Variants in LHFPL2 observed in about 807,000 individuals in gnomAD.
LHFPL2 encodes LHFPL tetraspan subfamily member 2.
LHFPL2 carries 7 observed loss-of-function variants against 17.5 expected under a neutral mutation model. The observed-to-expected ratio is 0.40, with a 90% CI of 0.23 to 0.75. The LOEUF (loss-of-function observed/expected upper bound fraction) is 0.75, where lower values mean the gene tolerates loss of function less well. Among genes scored for constraint, LHFPL2 ranks in the 30% least tolerant of loss-of-function variants. The probability of loss-of-function intolerance (pLI) is 0.37; values close to 1 mark genes in which losing one functional copy is unlikely to be tolerated. For synonymous variants in LHFPL2, 134 were observed against 116.2 expected (o/e 1.15, Z -0.99); for missense variants, 241 against 294.8 (o/e 0.82, Z 1.34).
At chr5:78,614,741 C>T (rs1474460740) in intron 2 of LHFPL2, among the ~76,000 whole-genome samples, 1 of 152,056 alleles carries the variant, frequency 6.6e-6, no homozygotes, top group Non-Finnish European at 1.5e-5. Context: ...GACTTCGGAC[C>T]CTTTCAAATT....
intron 1 of LHFPL2, among the ~76,000 whole-genome samples, chr5:78,641,828 T>C (rs1011321906): frequency 2.6e-5 from 4 of 151,994 alleles, no homozygotes; most frequent in East Asian, 1.9e-4. Context: ...TACACAAAAC[T>C]AGTTTACATT....
rs536783744 is a variant in LHFPL2 at position 78,531,927 on chromosome 5, AT to A, written c.-185-21530del. On this transcript the variant is annotated intron_variant, in intron 3 of 4. Coordinates refer to ENST00000380345, the MANE Select transcript of LHFPL2 (RefSeq NM_005779.3). ...CAAGCAGCACCACCATGCCCGGCTA[AT>A]TTTTTTTTTTTTTTGAGACAGAGTC... 2.3e-3 allele frequency among the ~76,000 whole-genome samples: 323 copies of A among 141,602 alleles called. 1 individual carries two copies. Among genetic ancestry groups the A allele is most frequent in the Middle Eastern group, 3.6e-3 (1 of 276 alleles). 92.9% of individuals were successfully genotyped at this position (141,602 alleles called of 152,430 possible).
chr5:78,531,127 C>T (rs1273410261), intron 3 of LHFPL2, among the ~76,000 whole-genome samples: 1 of 152,114 alleles, frequency 6.6e-6, no homozygotes, highest in Admixed American at 6.5e-5. Context: ...TTTAAAAATT[C>T]ACAATGAGCC....
chr5:78,585,710 A>C (rs941801716), intron 2 of LHFPL2, among the ~76,000 whole-genome samples: 1 of 152,196 alleles, frequency 6.6e-6, no homozygotes, highest in Non-Finnish European at 1.5e-5. Context: ...CATCACCATC[A>C]TCACGTATTG....
intron 1 of LHFPL2, chr5:78,644,211 A>C (rs1318461772): frequency 6.3e-6 from 4 of 631,052 alleles, no homozygotes; most frequent in Non-Finnish European, 1.1e-5. Context: ...AGTGAAATGC[A>C]TACAGGGAGT....
At chr5:78,634,119 C>T (rs151313152) in intron 1 of LHFPL2, among the ~76,000 whole-genome samples, 2 of 152,124 alleles carry the variant, frequency 1.3e-5, no homozygotes, top group South Asian at 2.1e-4. Flanking sequence ...ACCCCTCCCC[C>T]CAAAAAAAGC....
chr5:78,633,155 G>A (rs1469447553), intron 1 of LHFPL2, among the ~76,000 whole-genome samples: 1 of 152,158 alleles, frequency 6.6e-6, no homozygotes. Flanking sequence ...CTGGAAGGAG[G>A]CAACGACACC....
In LHFPL2 at chr5:78,610,434, C is replaced by T. The variant is rs558089923; in HGVS notation, c.-245+21830G>A. Among the ~76,000 whole-genome samples, 91 of 152,314 alleles carry T rather than the reference C, an allele frequency of 6.0e-4. 2 individuals are homozygous for T. Among genetic ancestry groups the T allele is most frequent in the Admixed American group, 4.6e-4 (7 of 15,304 alleles). On this transcript the variant is annotated intron_variant, in intron 2 of 4. Transcript: ENST00000380345. The stretch of plus-strand genomic sequence containing the variant: ...AGCCACTGGGCCCCCAGGAGAGACT[C>T]GGTCCATGGAGATGAGTAAGCCAAA...
chr5:78,597,955 G>T (rs913662566), intron 2 of LHFPL2, among the ~76,000 whole-genome samples: 1 of 152,302 alleles, frequency 6.6e-6, no homozygotes, highest in Non-Finnish European at 1.5e-5. Flanking sequence ...AGCCAGAAAT[G>T]TTTTTGTTGC....
At chr5:78,581,421 T>A (rs1743133306) in intron 2 of LHFPL2, among the ~76,000 whole-genome samples, 1 of 152,210 alleles carries the variant, frequency 6.6e-6, no homozygotes, top group Middle Eastern at 3.2e-3. Context: ...TGATATTGGC[T>A]GTGGGTTTGT....
rs1743589073 is a variant in LHFPL2 at position 78,590,475 on chromosome 5, G to T, written c.-244-25604C>A. The stretch of plus-strand genomic sequence containing the variant: ...ACAACTAATAAATACTATAAGTAAA[G>T]TTTGTACCAAAGATAGTGTGGTGGG... On this transcript the variant is annotated intron_variant, in intron 2 of 4. Transcript: ENST00000380345. Among the ~76,000 whole-genome samples, 3 of 152,074 alleles carry T rather than the reference G, an allele frequency of 2.0e-5. No individual in the cohort carries two copies. In the South Asian group the frequency reaches 6.2e-4, roughly 32 times the overall value.
intron 3 of LHFPL2, among the ~76,000 whole-genome samples, chr5:78,532,352 A>G (rs1265582937): frequency 1.3e-5 from 2 of 152,072 alleles, no homozygotes; most frequent in Admixed American, 6.5e-5. Flanking sequence ...GAGCCATTGC[A>G]CCTAACCCTG....
intron 3 of LHFPL2, among the ~76,000 whole-genome samples, chr5:78,532,454 GA>G (rs746584771): frequency 3.9e-5 from 6 of 152,138 alleles, no homozygotes; most frequent in Non-Finnish European, 7.4e-5. Flanking sequence ...CTTAGGGAAT[GA>G]AAGTCCTGTG....
At chr5:78,563,849 G>A (rs549700579) in intron 3 of LHFPL2, among the ~76,000 whole-genome samples, 5 of 152,240 alleles carry the variant, frequency 3.3e-5, no homozygotes, top group East Asian at 1.9e-4. Flanking sequence ...TACAATTCCT[G>A]TTTAACAACA....
chr5:78,628,795 A>G (rs2112510329), intron 2 of LHFPL2, among the ~76,000 whole-genome samples: 1 of 152,358 alleles, frequency 6.6e-6, no homozygotes, highest in South Asian at 2.1e-4. Flanking sequence ...AATTGTGGCC[A>G]TAAAGGGAAG....
intron 3 of LHFPL2, among the ~76,000 whole-genome samples, chr5:78,524,683 A>T (rs922660737): frequency 8.0e-5 from 12 of 150,264 alleles, no homozygotes; most frequent in Non-Finnish European, 1.5e-4. Context: ...CAGAGTTTGC[A>T]GTGAGCCAAG....
At chr5:78,627,683 C>T (rs2112508702) in intron 2 of LHFPL2, among the ~76,000 whole-genome samples, 1 of 152,336 alleles carries the variant, frequency 6.6e-6, no homozygotes, top group South Asian at 2.1e-4. Context: ...CCTGCCTACT[C>T]AGCAGGGCAT....
chr5:78,511,745 C>T (rs1475048152), intron 3 of LHFPL2, among the ~76,000 whole-genome samples: 1 of 152,220 alleles, frequency 6.6e-6, no homozygotes, highest in Non-Finnish European at 1.5e-5. Flanking sequence ...TGTGACTCTA[C>T]CCATCCCTTG....
chr5:78,613,044 G>A (rs1463619798), intron 2 of LHFPL2, among the ~76,000 whole-genome samples: 3 of 152,202 alleles, frequency 2.0e-5, no homozygotes, highest in Non-Finnish European at 2.9e-5. Context: ...GCAGGCAGCT[G>A]TACACAGAAG....
Sources: gnomAD v4.1 joint callset for allele counts (sites outside exome capture counted in the v4.1 genomes callset) on GRCh38, gnomAD v4.1.1 for gene constraint, MANE v1.5 for transcripts, NCBI Gene and HGNC (gene_info 2026-07-23, HGNC 2026-07-21) for gene names.